Variants in WDPCP observed in about 807,000 individuals in gnomAD.
WDPCP encodes the protein WD repeat containing planar cell polarity effector.
Under a neutral mutation model 93.1 loss-of-function variants are expected in WDPCP, and 71 were observed. The observed-to-expected ratio is 0.76, with a 90% CI of 0.63 to 0.93. The LOEUF (loss-of-function observed/expected upper bound fraction) is 0.93, where lower values mean the gene tolerates loss of function less well. WDPCP is among the 40% of genes least tolerant of loss of function. The pLI, the probability that WDPCP is intolerant of heterozygous loss-of-function variation, is 0.00. For missense variants in WDPCP, 844 were observed against 887.4 expected (o/e 0.95, Z 0.62); for synonymous variants, 315 against 315.0 (o/e 1.00, Z 0.00).
chr2:63,580,554 C>A (rs1245188329), intron 1 of WDPCP, among the ~76,000 whole-genome samples: 7 of 151,634 alleles, frequency 4.6e-5, no homozygotes, highest in Non-Finnish European at 1.0e-4. Flanking sequence ...CACAAAAAAA[C>A]ATCAAACAAA....
At chr2:63,235,867 T>A (rs1208823391) in intron 14 of WDPCP, among the ~76,000 whole-genome samples, 1 of 152,154 alleles carries the variant, frequency 6.6e-6, no homozygotes, top group Non-Finnish European at 1.5e-5. Flanking sequence ...GAGCCATCTA[T>A]GACAAACCCA....
At chr2:63,777,172 T>C (rs569958719) in intron 2 of WDPCP, among the ~76,000 whole-genome samples, 10 of 152,326 alleles carry the variant, frequency 6.6e-5, no homozygotes, top group Admixed American at 5.2e-4. Context: ...AAATATCATA[T>C]TGTACTCCAT....
At chr2:63,649,105 C>T (rs181274380) in intron 3 of WDPCP, among the ~76,000 whole-genome samples, 1 of 152,286 alleles carries the variant, frequency 6.6e-6, no homozygotes, top group Admixed American at 6.5e-5. Flanking sequence ...TGGTGAGCAA[C>T]TATCATCACT....
rs1491585365 is a variant in WDPCP at position 63,575,479 on chromosome 2, G to GCGTATGCGC, written c.75+12717_75+12718insGCGCATACG. Among the ~76,000 whole-genome samples the GCGTATGCGC allele has an allele frequency of 2.8e-3, 7 of 2,526 alleles. 2 individuals carry two copies. The highest frequency in any genetic ancestry group is 8.3e-3 in the African/African-American group (7 of 848). 1.7% of individuals were successfully genotyped at this position (2,526 alleles called of 152,430 possible). A position where few individuals can be genotyped will look rare whatever the true frequency, so the allele number is the denominator to read the frequency against. ...ATACAGTATATATGCAGTATATACA[G>GCGTATGCGC]TGTATATATAGTATATACAGTATAT... On this transcript the variant is annotated intron_variant, in intron 1 of 17. Transcript: ENST00000272321.
intron 15 of WDPCP, among the ~76,000 whole-genome samples, chr2:63,158,726 A>T (rs1329707963): frequency 6.6e-6 from 1 of 151,908 alleles, no homozygotes; most frequent in Non-Finnish European, 1.5e-5. Flanking sequence ...TCATTTTTTT[A>T]AAAAAATATG....
chr2:63,376,909 A>G (rs549356207), intron 12 of WDPCP, among the ~76,000 whole-genome samples: 2 of 151,804 alleles, frequency 1.3e-5, no homozygotes, highest in Non-Finnish European at 3.0e-5. Flanking sequence ...TTTATATATA[A>G]AAATCTAATG....
chr2:63,321,324 G>GTA (rs57474105), intron 12 of WDPCP, among the ~76,000 whole-genome samples: 220 of 148,514 alleles, frequency 1.5e-3, no homozygotes, highest in South Asian at 7.7e-3. Context: ...TATTATCAGA[G>GTA]TATATATATA....
intron 13 of WDPCP, among the ~76,000 whole-genome samples, chr2:63,270,782 G>A (rs192356072): frequency 1.3e-5 from 2 of 152,272 alleles, no homozygotes; most frequent in African/African-American, 4.8e-5. Context: ...CTAGTCACAG[G>A]AGAGCCCCTC....
intron 1 of WDPCP, among the ~76,000 whole-genome samples, chr2:63,570,852 T>C (rs1191562371): frequency 6.6e-6 from 1 of 152,194 alleles, no homozygotes; most frequent in Non-Finnish European, 1.5e-5. Context: ...TTAGACACAC[T>C]GTGTTCAAAT....
intron 14 of WDPCP, among the ~76,000 whole-genome samples, chr2:63,204,153 A>G (rs1239051748): frequency 6.6e-6 from 1 of 152,086 alleles, no homozygotes; most frequent in Non-Finnish European, 1.5e-5. Flanking sequence ...GTTGTACTAA[A>G]TTACATTCCC....
chr2:63,486,835 G>A (rs1575509965), intron 3 of WDPCP, among the ~76,000 whole-genome samples: 1 of 152,002 alleles, frequency 6.6e-6, no homozygotes, highest in Admixed American at 6.6e-5. Flanking sequence ...CCAATATCCT[G>A]AGCTTCCAAT....
chr2:63,617,364 G>A (rs1004910754), intron 3 of WDPCP, among the ~76,000 whole-genome samples: 5 of 152,088 alleles, frequency 3.3e-5, no homozygotes, highest in Admixed American at 2.6e-4. Context: ...TATTTCATAC[G>A]TGTTTGAGAG....
chr2:63,545,815 C>G (rs1002758839), intron 1 of WDPCP, among the ~76,000 whole-genome samples: 10 of 150,464 alleles, frequency 6.6e-5, no homozygotes, highest in Non-Finnish European at 1.2e-4. Context: ...ACAAAGGGCT[C>G]TTCCAGCCCC....
chr2:63,703,215 A>T (rs147251465), intron 2 of WDPCP, among the ~76,000 whole-genome samples: 27,643 of 152,220 alleles, frequency 0.18, 2,751 homozygotes, highest in Middle Eastern at 0.27. Flanking sequence ...AGCATGATTT[A>T]TAATCCTTTG....
intron 2 of WDPCP, among the ~76,000 whole-genome samples, chr2:63,803,375 T>C (rs968191341): frequency 2.0e-5 from 3 of 152,224 alleles, no homozygotes; most frequent in Non-Finnish European, 2.9e-5. Flanking sequence ...GGTATGGTAT[T>C]TCTTTTTGGG....
At chr2:63,794,409 GCTGA>G (rs542455896) in intron 2 of WDPCP, among the ~76,000 whole-genome samples, 23 of 152,268 alleles carry the variant, frequency 1.5e-4, no homozygotes, top group Non-Finnish European at 2.8e-4. Flanking sequence ...TTAGAAAAAG[GCTGA>G]CTGACTTAGG....
chr2:63,593,108 T>G (rs1424748566), upstream of WDPCP: 5 of 137,578 alleles, frequency 3.6e-5, no homozygotes, highest in African/African-American at 1.3e-4. Context: ...TTGTTTTTTG[T>G]TTTTTTTTTG....
intron 6 of WDPCP, among the ~76,000 whole-genome samples, chr2:63,459,098 A>G (rs1407170113): frequency 6.6e-6 from 1 of 152,190 alleles, no homozygotes; most frequent in Non-Finnish European, 1.5e-5. Context: ...ACCCAAAAGT[A>G]TAAAACTACT....
chr2:63,658,398 T>G (rs1710191250), intron 2 of WDPCP, among the ~76,000 whole-genome samples: 1 of 152,198 alleles, frequency 6.6e-6, no homozygotes, highest in Non-Finnish European at 1.5e-5. Flanking sequence ...GTCAGCCAGG[T>G]ACTTTTCCTC....
Sources: gnomAD v4.1 joint callset for allele counts (sites outside exome capture counted in the v4.1 genomes callset) on GRCh38, gnomAD v4.1.1 for gene constraint, MANE v1.5 for transcripts, NCBI Gene and HGNC (gene_info 2026-07-23, HGNC 2026-07-21) for gene names.